Variants in SRL observed in about 807,000 individuals in gnomAD.
SRL encodes sarcalumenin.
A neutral mutation model predicts 39.5 loss-of-function variants in SRL; 23 were observed. The ratio of observed to expected loss-of-function variants is 0.58; its 90% CI spans 0.42 to 0.82. The LOEUF is 0.82. Ranked by LOEUF, SRL falls within the 40% of genes least tolerant of loss-of-function variation. The pLI is 0.00. For missense variants in SRL, 592 were observed against 607.8 expected (o/e 0.97, Z 0.27); for synonymous variants, 272 against 237.4 (o/e 1.15, Z -1.34).
In SRL at chr16:4,242,068, G is replaced by A. The variant is rs1292845316; in HGVS notation, c.-1C>T. The A allele has an allele frequency of 6.2e-6, 10 of 1,610,802 alleles. No homozygotes were observed. Among genetic ancestry groups the A allele is most frequent in the Middle Eastern group, 3.4e-4 (2 of 5,822 alleles). ...AGCCGAGCAGGACCAGCGCCCTCAT[G>A]GTGACTGCCAAGAGAGCCCAGCTGC... is the stretch of plus-strand genomic sequence containing the variant. On this transcript the variant is annotated 5_prime_UTR_variant, in exon 1 of 6. Transcript: ENST00000399609.
chr16:4,223,283 T>C (rs1017802045), intron 1 of SRL, among the ~76,000 whole-genome samples: 2 of 144,206 alleles, frequency 1.4e-5, no homozygotes, highest in Admixed American at 6.9e-5. Context: ...TGGGGCTCGA[T>C]GATTGAAAAA....
In SRL at chr16:4,191,875, C is replaced by T. The variant is rs147368991; in HGVS notation, c.*278G>A. On this transcript the variant is annotated 3_prime_UTR_variant, in exon 6 of 6. Coordinates refer to ENST00000399609, the MANE Select transcript of SRL (RefSeq NM_001098814.2). The stretch of plus-strand genomic sequence containing the variant: ...ACACTAGAATTTAGCTGCTCTCTGT[C>T]CTTCCAAGACAGGACCCAGGAAAAG... The T allele has an allele frequency of 6.8e-5, 27 of 396,564 alleles. No homozygotes were observed. Among genetic ancestry groups the T allele is most frequent in the Non-Finnish European group, 1.0e-4 (23 of 223,200 alleles). 24.6% of individuals were successfully genotyped at this position (396,564 alleles called of 1,614,324 possible).
Position 4,195,757 on chromosome 16 carries a change from C to T in SRL, c.406G>A (p.Val136Ile), listed in dbSNP as rs753191333. 1 of 1,613,960 alleles carries T rather than the reference C, an allele frequency of 6.2e-7. No individual in the cohort carries two copies. The highest frequency in any genetic ancestry group is 8.5e-7 in the Non-Finnish European group (1 of 1,179,988). The change falls in exon 5 of 6, where the codon GTC becomes ATC. Residue 136 changes from valine (V) to isoleucine (I), a missense_variant. Val to Ile is a conservative substitution (Grantham distance 29). Transcript: ENST00000399609. ...GAEPTTSEFT[V>I]LMHGPKLKTI... ...TTCAGCTTAGGCCCATGCATGAGGA[C>T]CGTGAACTCAGAGGTGGTGGGTTCA... is the stretch of plus-strand genomic sequence containing the variant.
chr16:4,210,622 C>T (rs200592488), intron 1 of SRL, among the ~76,000 whole-genome samples: 1 of 151,546 alleles, frequency 6.6e-6, no homozygotes, highest in East Asian at 1.9e-4. Flanking sequence ...TCCCGAGTAG[C>T]TGGAATTACA....
rs150366722 is a variant in SRL at position 4,218,041 on chromosome 16, A to T, written c.62-13407T>A. Among the ~76,000 whole-genome samples the T allele has an allele frequency of 1.3e-4, 20 of 152,246 alleles. No homozygotes were observed. The East Asian group carries it at 3.9e-3, about 29-fold the overall frequency. ...GTTCTGGCTGGTCTGGGAACGGAGC[A>T]GGCTGAGCTGTCAACACTCCCAGGG... On this transcript the variant is annotated intron_variant, in intron 1 of 5. Transcript: ENST00000399609.
At position 4,192,682 on chromosome 16, in the gene SRL, T is replaced by C. The variant is rs1327252289; in HGVS notation, c.893A>G (p.Tyr298Cys). The C allele has an allele frequency of 2.5e-6, 4 of 1,614,042 alleles. No homozygotes were observed. Among genetic ancestry groups the C allele is most frequent in the Non-Finnish European group, 3.4e-6 (4 of 1,180,032 alleles). The change falls in exon 6 of 6, where the codon TAT (tyrosine) becomes TGT (cysteine). Residue 298 changes from tyrosine (Y) to cysteine (C), a missense_variant. Physicochemically the swap from Tyr to Cys is radical, Grantham distance 194 (BLOSUM62 -2). Transcript: ENST00000399609. This position sits in a 1 kb window ranked among gnomAD's most constrained non-coding sequence, Gnocchi z 4.0. ...CAGTTCCTGATGGGTGTCCGGCTTA[T>C]ACTCTTGTGGCCAGAAGGAGCTGAC... ...VYVSSFWPQEYKPDTHQELFL... is the reference protein window; with the variant it reads ...VYVSSFWPQECKPDTHQELFL...
intron 1 of SRL, among the ~76,000 whole-genome samples, chr16:4,210,037 G>T (rs1192454991): frequency 6.6e-6 from 1 of 152,198 alleles, no homozygotes; most frequent in African/African-American, 2.4e-5. Flanking sequence ...TGATTTGCAG[G>T]AATCCAATTT....
intron 3 of SRL, among the ~76,000 whole-genome samples, chr16:4,200,994 A>T (rs1423970813): frequency 6.6e-6 from 1 of 152,196 alleles, no homozygotes; most frequent in African/African-American, 2.4e-5. Context: ...GATGAGTAAC[A>T]TTTTTAAATT....
intron 3 of SRL, among the ~76,000 whole-genome samples, chr16:4,201,180 C>G (rs1433197377): frequency 1.3e-5 from 2 of 150,380 alleles, no homozygotes; most frequent in Admixed American, 6.7e-5. Context: ...GTGGTGCAAT[C>G]TCAGTTTACT....
chr16:4,215,471 T>G (rs2052447614), intron 1 of SRL, among the ~76,000 whole-genome samples: 1 of 152,216 alleles, frequency 6.6e-6, no homozygotes, highest in African/African-American at 2.4e-5. Context: ...GATCTTCTGA[T>G]AGACCAACTG....
intron 1 of SRL, among the ~76,000 whole-genome samples, chr16:4,209,492 C>A (rs1025992181): frequency 2.0e-5 from 3 of 152,074 alleles, no homozygotes; most frequent in Non-Finnish European, 4.4e-5. Context: ...ATGCAGACAA[C>A]CCCCCTCTCT....
At position 4,195,801 on chromosome 16, in the gene SRL, T is replaced by C; in HGVS notation, c.377-15A>G. The C allele has an allele frequency of 6.2e-7, 1 of 1,603,664 alleles. No individual in the cohort carries two copies. Among genetic ancestry groups the C allele is most frequent in the Non-Finnish European group, 8.5e-7 (1 of 1,172,496 alleles). Reference sequence around the variant, plus strand: ...GGGTTCAGCGCCTGGGCACACGGGGTGAGAGGTGAAGGAATACATGATCTC... The same window carrying C: ...GGGTTCAGCGCCTGGGCACACGGGGCGAGAGGTGAAGGAATACATGATCTC... On this transcript the variant is annotated splice_polypyrimidine_tract_variant and intron_variant, in intron 4 of 5. Coordinates refer to ENST00000399609, the MANE Select transcript of SRL (RefSeq NM_001098814.2).
chr16:4,231,412 G>C (rs188884156), intron 1 of SRL, among the ~76,000 whole-genome samples: 7 of 152,268 alleles, frequency 4.6e-5, no homozygotes, highest in Admixed American at 4.6e-4. Flanking sequence ...CCTAAGCCTG[G>C]CGCTGTGAGA....
intron 3 of SRL, among the ~76,000 whole-genome samples, chr16:4,198,685 C>A (rs1044350251): frequency 3.3e-5 from 5 of 152,114 alleles, no homozygotes; most frequent in Non-Finnish European, 7.4e-5. Flanking sequence ...TGGGCTCAAG[C>A]AATCTTCTCA....
At chr16:4,203,502 G>C (rs1318479874) in intron 2 of SRL, among the ~76,000 whole-genome samples, 1 of 152,122 alleles carries the variant, frequency 6.6e-6, no homozygotes. Flanking sequence ...TTCCTGAACT[G>C]TTTGGTTATT....
At chr16:4,205,683 G>C (rs1203714374) in intron 1 of SRL, among the ~76,000 whole-genome samples, 1 of 152,148 alleles carries the variant, frequency 6.6e-6, no homozygotes, top group Non-Finnish European at 1.5e-5. Context: ...GGAGGCCTGG[G>C]TGCTGGGGAG....
At chr16:4,195,382 G>C (rs959492556) in intron 5 of SRL, among the ~76,000 whole-genome samples, 171 bp downstream of exon 5, 3 of 152,022 alleles carry the variant, frequency 2.0e-5, no homozygotes, top group Admixed American at 2.0e-4. Flanking sequence ...TTTTTTTGTA[G>C]AGATGAGGTT....
chr16:4,200,365 A>G (rs987975142), intron 3 of SRL, among the ~76,000 whole-genome samples: 1 of 152,188 alleles, frequency 6.6e-6, no homozygotes, highest in African/African-American at 2.4e-5. Flanking sequence ...GACAAACCAC[A>G]AACAGGGCCC....
At chr16:4,204,662 A>C (rs1270157894) in intron 1 of SRL, 28 bp from the exon 2 acceptor site, 3 of 1,604,064 alleles carry the variant, frequency 1.9e-6, no homozygotes, top group Middle Eastern at 3.3e-4. Flanking sequence ...CAGCCAAGTG[A>C]GAGCAAAGCT....
Sources: allele counts gnomAD v4.1 joint callset (sites outside exome capture counted in the v4.1 genomes callset), GRCh38; gene constraint gnomAD v4.1.1; non-coding constraint Gnocchi (gnomAD v3.1); transcripts MANE v1.5; gene names NCBI Gene and HGNC (gene_info 2026-07-23, HGNC 2026-07-21).